KRT2: variants seen among roughly 807,000 people sequenced by gnomAD.
The protein encoded by KRT2 is keratin, type II cytoskeletal 2 epidermal.
Under a neutral mutation model 48.5 loss-of-function variants are expected in KRT2, and 37 were observed. The ratio of observed to expected loss-of-function variants is 0.76; its 90% CI spans 0.59 to 1.00. The LOEUF (loss-of-function observed/expected upper bound fraction) is 1.00. Among genes scored for constraint, KRT2 ranks in the 50% least tolerant of loss-of-function variants. KRT2 has a pLI of 0.00. For synonymous variants in KRT2, 324 were observed against 312.2 expected, an observed-to-expected ratio of 1.04 and a Z score of -0.40; for missense variants, 880 against 815.2, an observed-to-expected ratio of 1.08 and a Z score of -0.97.
chr12:52,645,089 C>T lies in KRT2; in HGVS notation c.1850G>A (p.Gly617Glu), dbSNP rs1422260506. ...SSGGGYGSGG[G>E]GSSSVKGSSG... ...GCTACCCTTTACAGAGCTAGAACCC[C>T]CACCTCCAGAGCCATATCCTCCTCC... The change falls in exon 9 of 9, where the codon GGG becomes GAG. Residue 617 changes from glycine to glutamate, a missense_variant. Gly to Glu is a moderately conservative substitution (Grantham distance 98). Transcript: ENST00000309680. The T allele has an allele frequency of 1.9e-6, 3 of 1,613,962 alleles. No individual in the cohort carries two copies. The highest frequency in any genetic ancestry group is 2.5e-6 in the Non-Finnish European group (3 of 1,180,006).
rs1350325785 is a variant in KRT2 at position 52,651,726 on chromosome 12, A to G, written c.417T>C (p.Gly139=). The G allele has an allele frequency of 2.4e-5, 39 of 1,613,916 alleles. No individual in the cohort carries two copies. Among genetic ancestry groups the G allele is most frequent in the Middle Eastern group, 1.6e-4 (1 of 6,084 alleles). Residue 139 remains glycine (G), a synonymous_variant, in exon 1 of 9, where the codon GGT becomes GGC. Coordinates refer to ENST00000309680, the MANE Select transcript of KRT2 (RefSeq NM_000423.3). ...CAGGGTATCCTCCAGGCCCAAAGCC[A>G]CCAGGACCCCCTAAACCTCCAACAC... is the stretch of plus-strand genomic sequence containing the variant. ...PGGVGGLGGP[G]GFGPGGYPGG...
At chr12:52,647,946 TCCAGGGAGGGTCAAC>T (rs1941193350) in intron 5 of KRT2, 91 bp from the exon 6 acceptor site, 1 of 1,551,188 alleles carries the variant, frequency 6.4e-7, no homozygotes, top group African/African-American at 1.4e-5. Flanking sequence ...TGGTTACTGG[TCCAGGGAGGGTCAAC>T]CCAGCTAAAT....
rs1168506878 is a variant in KRT2, at chr12:52,648,250, T to C, written c.1045A>G (p.Ile349Val). Residue 349 changes from isoleucine to valine, a missense_variant, in exon 5 of 9, where the codon ATC (isoleucine) becomes GTC (valine). Transcript: ENST00000309680. Reference protein sequence around the residue: ...NSRNLDLDSIIAEVKAQYEEI... With the variant: ...NSRNLDLDSIVAEVKAQYEEI... The stretch of plus-strand genomic sequence containing the variant: ...TCATACTGGGCCTTGACCTCGGCGA[T>C]GATGCTATCCAAGTCCAGGTTGCGG... 1.2e-6 allele frequency: 2 copies of C among 1,614,150 alleles called. No homozygotes were observed. Among genetic ancestry groups the C allele is most frequent in the Non-Finnish European group, 1.7e-6 (2 of 1,180,006 alleles).
Position 52,645,222 on chromosome 12 carries a change from A to G in KRT2, c.1717T>C (p.Tyr573His). ...CCCTTAGAGCCACCACCAGATCCGT[A>G]TCTTCCTCCAGAACCACCGCCAGAG... ...YGSGGGSGGR[Y>H]GSGGGSKGGS... The change falls in exon 9 of 9, where the codon TAC becomes CAC. Residue 573 changes from tyrosine to histidine, a missense_variant. Transcript: ENST00000309680. The G allele has an allele frequency of 1.2e-6, 2 of 1,613,258 alleles. No homozygotes were observed. Among genetic ancestry groups the G allele is most frequent in the Non-Finnish European group, 8.5e-7 (1 of 1,179,776 alleles).
chr12:52,647,733 C>T lies in KRT2; in HGVS notation c.1245G>A (p.Lys415=). 2 of 1,613,830 alleles carry T rather than the reference C, an allele frequency of 1.2e-6. No homozygotes were observed. Among genetic ancestry groups the T allele is most frequent in the Non-Finnish European group, 1.7e-6 (2 of 1,179,896 alleles). ...GCTGGACAGGGCTGGGCCTCACCTG[C>T]TTCTTCACATGTGCGATCTCCCCCT... ...RLQGEIAHVK[K]QCKNVQDAIA... Residue 415 remains lysine (K), a synonymous_variant, in exon 6 of 9, where the codon AAG becomes AAA. Transcript: ENST00000309680.
rs376466417 is a variant in KRT2, at chr12:52,647,309, C to T, written c.1249-349G>A. Among the ~76,000 whole-genome samples, 6 of 152,342 alleles carry T rather than the reference C, an allele frequency of 3.9e-5. No homozygotes were observed. In the East Asian group the frequency reaches 9.7e-4, roughly 25 times the overall value. ...ACTCTCTGCCTCTACCTTTTCTATT[C>T]CAAAGCTAACGTCCAGCCCCAGGCC... On this transcript the variant is annotated intron_variant, in intron 6 of 8. Transcript: ENST00000309680.
intron 7 of KRT2, 40 bp from the exon 8 acceptor site, chr12:52,645,609 T>G: frequency 6.2e-7 from 1 of 1,606,008 alleles, no homozygotes; most frequent in Non-Finnish European, 8.5e-7. Flanking sequence ...GGTGGAACAC[T>G]TAGGTTCTGT....
chr12:52,651,591 A>T lies in KRT2; in HGVS notation c.552T>A (p.Thr184=), dbSNP rs750837564. The T allele has an allele frequency of 1.2e-6, 2 of 1,614,066 alleles. No homozygotes were observed. The highest frequency in any genetic ancestry group is 1.7e-6 in the Non-Finnish European group (2 of 1,180,004). Residue 184 remains threonine, a synonymous_variant, in exon 1 of 9, where the codon ACT becomes ACA. Coordinates refer to ENST00000309680, the MANE Select transcript of KRT2 (RefSeq NM_000423.3). ...TGAAGGAGGCAAATTTGTTGTTGAG[A>T]GTTTTGATCTGCTCACGCTCTTGGG... is the stretch of plus-strand genomic sequence containing the variant. ...VKAQEREQIK[T]LNNKFASFID... is the part of the protein sequence containing the mutation.
chr12:52,650,018 C>G, intron 2 of KRT2, 44 bp from the exon 3 acceptor site: 1 of 1,457,004 alleles, frequency 6.9e-7, no homozygotes, highest in Non-Finnish European at 9.6e-7. Context: ...AGTTCCCCTT[C>G]ATTTTTTTTC....
At chr12:52,645,499 A>G in intron 8 of KRT2, 36 bp downstream of exon 8, 1 of 1,614,028 alleles carries the variant, frequency 6.2e-7, no homozygotes, top group South Asian at 1.1e-5. Context: ...ACCTGACACA[A>G]CACCCCATGG....
At position 52,647,855 on chromosome 12, in the gene KRT2, A is replaced by G. The variant is rs1592255940; in HGVS notation, c.1123T>C (p.Tyr375His). Reference sequence around the variant, plus strand: ...CCGACAGTCACCTGGAGCTCCTCATACTGATATGGGGAGAAGAGGACAGTT... The same window carrying G: ...CCGACAGTCACCTGGAGCTCCTCATGCTGATATGGGGAGAAGAGGACAGTT... ...EEAEALYHSKYEELQVTVGRH... is the reference protein window; with the variant it reads ...EEAEALYHSKHEELQVTVGRH... The change falls in exon 6 of 9, where the codon TAT becomes CAT. Residue 375 changes from tyrosine (Y) to histidine (H), a missense_variant and splice_region_variant. By Grantham distance (83) the Tyr-to-His change is moderately conservative. Coordinates refer to ENST00000309680, the MANE Select transcript of KRT2 (RefSeq NM_000423.3). The G allele has an allele frequency of 6.2e-7, 1 of 1,614,066 alleles. No homozygotes were observed. Among genetic ancestry groups the G allele is most frequent in the Non-Finnish European group, 8.5e-7 (1 of 1,180,004 alleles).
rs1461338227 is a variant in KRT2, at chr12:52,650,573, A to G, written c.586-20T>C. 6.2e-7 allele frequency: 1 copy of G among 1,602,196 alleles called. No homozygotes were observed. Among genetic ancestry groups the G allele is most frequent in the Non-Finnish European group, 8.5e-7 (1 of 1,170,962 alleles). On this transcript the variant is annotated intron_variant, in intron 1 of 8. Coordinates refer to ENST00000309680, the MANE Select transcript of KRT2 (RefSeq NM_000423.3). Reference sequence around the variant, plus strand: ...CCGCACCTGCCATGACCAGAAGGAGAGCACATGAGTTCTAGATCATCCTTC... The same window carrying G: ...CCGCACCTGCCATGACCAGAAGGAGGGCACATGAGTTCTAGATCATCCTTC...
intron 5 of KRT2, 87 bp from the exon 6 acceptor site, chr12:52,647,942 C>T: frequency 6.4e-7 from 1 of 1,563,786 alleles, no homozygotes; most frequent in Non-Finnish European, 8.8e-7. Context: ...GAGCTGGTTA[C>T]TGGTCCAGGG....
Position 52,647,565 on chromosome 12 carries a change from A to C in KRT2, c.1248+165T>G, listed in dbSNP as rs749071022. On this transcript the variant is annotated intron_variant, in intron 6 of 8. Coordinates refer to ENST00000309680, the MANE Select transcript of KRT2 (RefSeq NM_000423.3). Reference sequence around the variant, plus strand: ...ATTAGAGCACTCTAAGAATTGTTATAATAAGCCATAAATTATGTTAAGCTG... The same window carrying C: ...ATTAGAGCACTCTAAGAATTGTTATCATAAGCCATAAATTATGTTAAGCTG... 2.0e-5 allele frequency among the ~76,000 whole-genome samples: 3 copies of C among 152,240 alleles called. No homozygotes were observed. The South Asian group carries it at 6.2e-4, about 32-fold the overall frequency.
At position 52,652,174 on chromosome 12, in the gene KRT2, C is replaced by T. The variant is rs757093385; in HGVS notation, c.-32G>A. ...TTTGTCCAGGGAGGAAAGTCACAGG[C>T]TCTTGAGAAGAGTCAAGGCTGGAGA... On this transcript the variant is annotated 5_prime_UTR_variant, in exon 1 of 9. Transcript: ENST00000309680. 4.7e-6 allele frequency: 7 copies of T among 1,483,114 alleles called. No individual in the cohort carries two copies. Among genetic ancestry groups the T allele is most frequent in the Non-Finnish European group, 6.4e-6 (7 of 1,097,392 alleles). 91.9% of individuals were successfully genotyped at this position (1,483,114 alleles called of 1,614,324 possible). A position where few individuals can be genotyped will look rare whatever the true frequency, so the allele number is the denominator to read the frequency against.
intron 1 of KRT2, chr12:52,650,770 G>A (rs1288332498): frequency 9.9e-6 from 6 of 605,226 alleles, no homozygotes; most frequent in African/African-American, 3.7e-5. Flanking sequence ...TCCACGCAGA[G>A]GAGACTCTTT....
chr12:52,644,768 A>C lies in KRT2; in HGVS notation c.*251T>G. 1.8e-6 allele frequency: 1 copy of C among 560,018 alleles called. No homozygotes were observed. The highest frequency in any genetic ancestry group is 3.2e-6 in the Non-Finnish European group (1 of 314,192). The allele number at this position is 560,018 out of a possible 1,614,324, so 34.7% of individuals were successfully genotyped here. A position where few individuals can be genotyped will look rare whatever the true frequency, so the allele number is the denominator to read the frequency against. On this transcript the variant is annotated 3_prime_UTR_variant, in exon 9 of 9. Coordinates refer to ENST00000309680, the MANE Select transcript of KRT2 (RefSeq NM_000423.3). Reference sequence around the variant, plus strand: ...AGGCATGGTGGGGGCGGGAATGGGCATGGCTAGAAGCACAAACCTAGACAG... The same window carrying C: ...AGGCATGGTGGGGGCGGGAATGGGCCTGGCTAGAAGCACAAACCTAGACAG...
intron 7 of KRT2, 37 bp from the exon 8 acceptor site, chr12:52,645,606 C>T (rs762765381): frequency 6.2e-7 from 1 of 1,608,244 alleles, no homozygotes; most frequent in Admixed American, 1.7e-5. Flanking sequence ...TGTGGTGGAA[C>T]ACTTAGGTTC....
chr12:52,650,625 G>A (rs1941235978), intron 1 of KRT2, 72 bp from the exon 2 acceptor site: 1 of 1,273,424 alleles, frequency 7.9e-7, no homozygotes, highest in Admixed American at 1.7e-5. Flanking sequence ...GCTGGCCAGG[G>A]GCAGCTCAGG....
Sources: gnomAD v4.1 joint callset for allele counts (sites outside exome capture counted in the v4.1 genomes callset) on GRCh38, gnomAD v4.1.1 for gene constraint, MANE v1.5 for transcripts, NCBI Gene and HGNC (gene_info 2026-07-23, HGNC 2026-07-21) for gene names.